FBN2: variants seen among roughly 807,000 people sequenced by gnomAD.
FBN2 encodes the protein fibrillin 2, also known as fibrillin-2.
A neutral mutation model predicts 355.6 loss-of-function variants in FBN2; 105 were observed. That is an observed-to-expected ratio of 0.30 (90% confidence interval 0.25 to 0.35). The LOEUF is 0.35. FBN2 is among the 10% of genes least tolerant of loss of function. The probability of loss-of-function intolerance (pLI) is 1.00; values close to 1 mark genes in which losing one functional copy is unlikely to be tolerated. For synonymous variants in FBN2, 1,350 were observed against 1,301.2 expected, an observed-to-expected ratio of 1.04 and a Z score of -0.81; for missense variants, 3,280 against 3,758.7, an observed-to-expected ratio of 0.87 and a Z score of 3.33.
intron 16 of FBN2, among the ~76,000 whole-genome samples, chr5:128,368,420 G>GTATA (rs369622754): frequency 7.4e-4 from 92 of 124,490 alleles, no homozygotes; most frequent in East Asian, 3.5e-3. Flanking sequence ...GTGTGTGTGT[G>GTATA]TATATATATA....
chr5:128,436,843 A>T (rs1469306852), intron 7 of FBN2, among the ~76,000 whole-genome samples: 1 of 152,128 alleles, frequency 6.6e-6, no homozygotes, highest in East Asian at 1.9e-4. Flanking sequence ...TTCCCTCACC[A>T]ATCTGGACAG....
In FBN2 at chr5:128,278,822, G is replaced by A. The variant is rs759522946; in HGVS notation, c.7158C>T (p.Cys2386=). 12 of 1,613,722 alleles carry A rather than the reference G, an allele frequency of 7.4e-6. No homozygotes were observed. The highest frequency in any genetic ancestry group is 1.0e-5 in the Non-Finnish European group (12 of 1,179,798). The change falls in exon 57 of 65, where the codon TGC becomes TGT. Residue 2386 remains cysteine (C), a synonymous_variant. Coordinates refer to ENST00000262464, the MANE Select transcript of FBN2 (RefSeq NM_001999.4). ...ATATTGTCTGCAGTACCTCTGCAAAGCAGAGACCCTGTCGATTGTCTGAAA... is the reference window on the plus strand; with the variant it reads ...ATATTGTCTGCAGTACCTCTGCAAAACAGAGACCCTGTCGATTGTCTGAAA... ...TECLDNRQGL[C]FAEVLQTICQ...
At chr5:128,378,734 A>T (rs891716490) in intron 12 of FBN2, 37 bp downstream of exon 12, 7 of 1,611,306 alleles carry the variant, frequency 4.3e-6, no homozygotes, top group Non-Finnish European at 5.9e-6. Context: ...ACTATATTTC[A>T]TGGAACATTT....
rs545720029 is a variant in FBN2 at position 128,464,773 on chromosome 5, C to G, written c.777G>C (p.Gln259His). 21 of 1,614,196 alleles carry G rather than the reference C, an allele frequency of 1.3e-5. No homozygotes were observed. In the South Asian group the frequency reaches 2.3e-4, roughly 18 times the overall value. Residue 259 changes from glutamine to histidine, a missense_variant, in exon 6 of 65, where the codon CAG (glutamine) becomes CAC (histidine). Gln to His is a conservative substitution (Grantham distance 24, BLOSUM62 0). Coordinates refer to ENST00000262464, the MANE Select transcript of FBN2 (RefSeq NM_001999.4). ...TGGGGATGAAACCCCGTCGGCAGGG[C>G]TGAGGCTGGGCTGGACACATCTCAC... The part of the protein sequence containing the change: ...HPCEMCPAQP[Q>H]PCRRGFIPNI...
chr5:128,536,617 T>C (rs1041662898), intron 1 of FBN2, 133 bp from the exon 2 acceptor site: 44 of 731,622 alleles, frequency 6.0e-5, no homozygotes, highest in Admixed American at 2.8e-4. Flanking sequence ...CTTCAAATTA[T>C]TGGAGATCGG....
chr5:128,431,890 G>A (rs1284011238), intron 7 of FBN2, among the ~76,000 whole-genome samples: 1 of 152,170 alleles, frequency 6.6e-6, no homozygotes, highest in Non-Finnish European at 1.5e-5. Context: ...ACCTTACTGA[G>A]AATGGCACGC....
chr5:128,380,669 T>C (rs1024902901), intron 11 of FBN2, among the ~76,000 whole-genome samples: 1 of 152,118 alleles, frequency 6.6e-6, no homozygotes, highest in East Asian at 1.9e-4. Context: ...TACAATTCCA[T>C]ATGACTTTAA....
At chr5:128,411,153 G>A (rs1178304673) in intron 7 of FBN2, among the ~76,000 whole-genome samples, 14 of 152,118 alleles carry the variant, frequency 9.2e-5, no homozygotes, top group Non-Finnish European at 2.1e-4. Context: ...CAGGAGCCAG[G>A]ATGAGTGTTT....
chr5:128,326,563 T>C (rs1395433443), intron 34 of FBN2, among the ~76,000 whole-genome samples: 2 of 152,128 alleles, frequency 1.3e-5, no homozygotes, highest in Admixed American at 6.5e-5. Context: ...TAGTGGAAAA[T>C]ATTCATCGGA....
intron 34 of FBN2, 147 bp from the exon 35 acceptor site, chr5:128,319,148 AG>A: frequency 1.5e-6 from 1 of 645,178 alleles, no homozygotes; most frequent in Non-Finnish European, 2.7e-6. Context: ...TAGGTAGATA[AG>A]TGTAAAGGGC....
intron 15 of FBN2, 119 bp downstream of exon 15, chr5:128,374,509 T>C: frequency 7.4e-7 from 1 of 1,347,608 alleles, no homozygotes; most frequent in Non-Finnish European, 1.1e-6. Flanking sequence ...CCAAGGTTTA[T>C]CCATGTTTTA....
chr5:128,459,487 G>C (rs899627870), intron 6 of FBN2, among the ~76,000 whole-genome samples: 3 of 146,736 alleles, frequency 2.0e-5, no homozygotes, highest in African/African-American at 7.8e-5. Flanking sequence ...AAACCTGGCA[G>C]AGACACAACA....
intron 7 of FBN2, among the ~76,000 whole-genome samples, chr5:128,426,004 C>T (rs1043215875): frequency 5.3e-5 from 8 of 152,182 alleles, no homozygotes; most frequent in South Asian, 2.1e-4. Context: ...AGGTCCTGTA[C>T]GTGTGAAGGT....
At chr5:128,304,577 T>C (rs1424004609) in intron 45 of FBN2, among the ~76,000 whole-genome samples, 2 of 152,194 alleles carry the variant, frequency 1.3e-5, no homozygotes, top group African/African-American at 4.8e-5. Flanking sequence ...TACTACTCTC[T>C]TGCATTCCAA....
chr5:128,315,406 A>C (rs1399134937), intron 36 of FBN2, among the ~76,000 whole-genome samples: 4 of 152,182 alleles, frequency 2.6e-5, no homozygotes, highest in Non-Finnish European at 5.9e-5. Flanking sequence ...CCAGGTTTCA[A>C]ACACATCTCT....
At chr5:128,333,056 G>A (rs1158301264) in intron 31 of FBN2, 22 bp from the exon 32 acceptor site, 2 of 1,603,910 alleles carry the variant, frequency 1.2e-6, no homozygotes, top group Non-Finnish European at 1.7e-6. Flanking sequence ...TAATTCATAA[G>A]AAGAAAATCA....
chr5:128,423,090 T>C (rs751015004), intron 7 of FBN2, among the ~76,000 whole-genome samples: 2 of 151,684 alleles, frequency 1.3e-5, no homozygotes, highest in African/African-American at 2.4e-5. Context: ...ACAGCAGAAA[T>C]AGTGAAAGGT....
rs55715053 is a variant in FBN2 at position 128,537,493 on chromosome 5, C to A, written c.111G>T (p.Pro37=). 1 of 1,584,600 alleles carries A rather than the reference C, an allele frequency of 6.3e-7. No homozygotes were observed. Among genetic ancestry groups the A allele is most frequent in the Non-Finnish European group, 8.6e-7 (1 of 1,168,204 alleles). The stretch of plus-strand genomic sequence containing the variant: ...GTTGCGGCGGCGGCTGGGGCCGGGG[C>A]GGCTTGGGCGGAGGAGGCTGAGGCT... ...AGQPQPPPPK[P]PRPQPPPQQV... is the part of the protein sequence containing the mutation. The change falls in exon 1 of 65, where the codon CCG becomes CCT. Residue 37 remains proline (P), a synonymous_variant. Transcript: ENST00000262464.
At chr5:128,334,234 C>A (rs1750772799) in intron 31 of FBN2, among the ~76,000 whole-genome samples, 2 of 151,854 alleles carry the variant, frequency 1.3e-5, no homozygotes, top group Admixed American at 1.3e-4. Flanking sequence ...CAAAAGCAAA[C>A]AGAAGAGCAA....
Sources: allele counts gnomAD v4.1 joint callset (sites outside exome capture counted in the v4.1 genomes callset), GRCh38; gene constraint gnomAD v4.1.1; transcripts MANE v1.5; gene names NCBI Gene and HGNC (gene_info 2026-07-23, HGNC 2026-07-21).